The following TSHZ3 variants were observed in gnomAD, a reference collection of about 807,000 sequenced individuals.
The protein encoded by TSHZ3 is teashirt homolog 3.
In TSHZ3, 10 loss-of-function variants were observed where a neutral mutation model predicts 64.5. That is an observed-to-expected ratio of 0.16 (90% CI 0.10 to 0.26). The LOEUF (loss-of-function observed/expected upper bound fraction) is 0.26, where lower values mean the gene tolerates loss of function less well. Ranked by LOEUF, TSHZ3 falls within the 10% of genes least tolerant of loss-of-function variation. The pLI, the probability that TSHZ3 is intolerant of heterozygous loss-of-function variation, is 1.00. For missense variants in TSHZ3, 1,242 were observed against 1,421.7 expected (o/e 0.87, Z 2.03); for synonymous variants, 608 against 593.1 (o/e 1.03, Z -0.36).
intron 1 of TSHZ3, among the ~76,000 whole-genome samples, chr19:31,302,113 A>G (rs929109440): frequency 1.3e-5 from 2 of 152,136 alleles, no homozygotes; most frequent in South Asian, 2.1e-4. Flanking sequence ...CACCACCTTA[A>G]TGTGGCAAAA....
intron 1 of TSHZ3, among the ~76,000 whole-genome samples, chr19:31,317,983 T>G (rs1916653092): frequency 6.6e-6 from 1 of 152,102 alleles, no homozygotes; most frequent in African/African-American, 2.4e-5. Flanking sequence ...ATTCAAAGAT[T>G]CAAAACAATC....
chr19:31,349,381 C>G lies in TSHZ3; in HGVS notation c.-162G>C, dbSNP rs2021629211. On this transcript the variant is annotated 5_prime_UTR_variant, in exon 1 of 2. Transcript: ENST00000240587. ...AGGATGCTGCTGCGCCCAGGCTCTC[C>G]GCGTCCCCCCCGCGCCGCGCTCCGC... 1.9e-6 allele frequency: 1 copy of G among 518,930 alleles called. No homozygotes were observed. Among genetic ancestry groups the G allele is most frequent in the East Asian group, 3.8e-5 (1 of 26,334 alleles). 32.1% of individuals were successfully genotyped at this position (518,930 alleles called of 1,614,324 possible).
intron 1 of TSHZ3, among the ~76,000 whole-genome samples, chr19:31,348,396 C>G (rs1256691161): frequency 6.7e-6 from 1 of 148,674 alleles, no homozygotes. Flanking sequence ...TTCAATGATG[C>G]GTTTTCCAGA....
chr19:31,306,513 ACACGTGCACGTGCGTGGGTGCGCATGTG>A (rs1916300722), intron 1 of TSHZ3, among the ~76,000 whole-genome samples: 4 of 152,188 alleles, frequency 2.6e-5, no homozygotes, highest in Admixed American at 2.6e-4. Context: ...TTGAGAGGGC[ACACGTGCACGTGCGTGGGTGCGCATGTG>A]CACTCATGCA....
At chr19:31,176,208 G>T (rs923838413) in intron 5 of TSHZ3, among the ~76,000 whole-genome samples, 1 of 152,162 alleles carries the variant, frequency 6.6e-6, no homozygotes, top group Non-Finnish European at 1.5e-5. Context: ...AGAGAGGCTT[G>T]GCTGGACCCA....
At chr19:31,273,257 T>G (rs1976170797), downstream of TSHZ3, among the ~76,000 whole-genome samples, 1 of 152,148 alleles carries the variant, frequency 6.6e-6, no homozygotes, top group Non-Finnish European at 1.5e-5. Context: ...TACTGCCCAA[T>G]TCTGATGTTT....
chr19:31,286,742 C>A (rs147246709), intron 1 of TSHZ3, among the ~76,000 whole-genome samples: 1,844 of 152,116 alleles, frequency 0.012, 98 homozygotes, highest in Admixed American at 0.092. Flanking sequence ...CCACGCAGAA[C>A]CTTCTCAATT....
At chr19:31,348,671 C>T (rs907578898) in intron 1 of TSHZ3, among the ~76,000 whole-genome samples, 1 of 152,172 alleles carries the variant, frequency 6.6e-6, no homozygotes, top group African/African-American at 2.4e-5. Flanking sequence ...CGGGTTCCAC[C>T]GCTGTGCCCA....
At chr19:31,303,700 AC>A (rs1976794171) in intron 1 of TSHZ3, among the ~76,000 whole-genome samples, 1 of 151,386 alleles carries the variant, frequency 6.6e-6, no homozygotes, top group South Asian at 2.1e-4. Flanking sequence ...GATTTCTAAA[AC>A]CCCAAAGCCC....
At position 31,278,206 on chromosome 19, in the gene TSHZ3, T is replaced by C. The variant is rs144915859; in HGVS notation, c.1587A>G (p.Thr529=). The part of the protein sequence containing the change: ...GLDILKSLEN[T]VTSAINKAQN... Reference sequence around the variant, plus strand: ...GGGCCTTGTTGATTGCGGATGTCACTGTGTTTTCCAAGGATTTGAGGATAT... The same window carrying C: ...GGGCCTTGTTGATTGCGGATGTCACCGTGTTTTCCAAGGATTTGAGGATAT... Residue 529 remains threonine (T), a synonymous_variant, in exon 2 of 2, where the codon ACA becomes ACG. Coordinates refer to ENST00000240587, the MANE Select transcript of TSHZ3 (RefSeq NM_020856.4). The surrounding 1 kb of genome is among the most constrained non-coding windows in gnomAD (Gnocchi z 4.7). 670 of 1,614,166 alleles carry C rather than the reference T, an allele frequency of 4.2e-4. No homozygotes were observed. The highest frequency in any genetic ancestry group is 2.1e-3 in the South Asian group (189 of 91,084).
In TSHZ3 at chr19:31,277,408, C is replaced by G. The variant is rs1976259899; in HGVS notation, c.2385G>C (p.Gly795=). The change falls in exon 2 of 2, where the codon GGG becomes GGC. Residue 795 remains glycine, a synonymous_variant. Coordinates refer to ENST00000240587, the MANE Select transcript of TSHZ3 (RefSeq NM_020856.4). This position sits in a 1 kb window ranked among gnomAD's most constrained non-coding sequence, Gnocchi z 4.5. ...CCAAGGAGCAGCCTTTGTCACTCTT[C>G]CCTTTTGTCAAGTCTATGGGCTGGT... ...NNDQPIDLTK[G]KSDKGCSLGS... 1 of 1,614,100 alleles carries G rather than the reference C, an allele frequency of 6.2e-7. No individual in the cohort carries two copies. Among genetic ancestry groups the G allele is most frequent in the South Asian group, 1.1e-5 (1 of 91,074 alleles).
chr19:31,323,803 A>G (rs946030740), intron 1 of TSHZ3, among the ~76,000 whole-genome samples: 1 of 151,134 alleles, frequency 6.6e-6, no homozygotes, highest in African/African-American at 2.4e-5. Context: ...CCTCAGAAAG[A>G]TGTTTTCTCC....
At chr19:31,258,452 G>A (rs989585466) in intron 1 of TSHZ3, among the ~76,000 whole-genome samples, 10 of 152,152 alleles carry the variant, frequency 6.6e-5, no homozygotes, top group African/African-American at 2.4e-4. Flanking sequence ...CCGGGAAATC[G>A]CCCTTCTGTT....
intron 1 of TSHZ3, among the ~76,000 whole-genome samples, chr19:31,257,133 A>T (rs1042913142): frequency 1.3e-5 from 2 of 152,230 alleles, no homozygotes; most frequent in African/African-American, 4.8e-5. Context: ...AGAGCCAGAG[A>T]TGGCTGCACA....
At chr19:31,272,254 T>C (rs960744535), downstream of TSHZ3, among the ~76,000 whole-genome samples, 10 of 152,088 alleles carry the variant, frequency 6.6e-5, no homozygotes, top group Non-Finnish European at 1.5e-5. Flanking sequence ...TTTTCCTCTA[T>C]AAGTATTTTG....
intron 3 of TSHZ3, among the ~76,000 whole-genome samples, chr19:31,232,973 G>A (rs746161906): frequency 6.6e-6 from 1 of 152,132 alleles, no homozygotes; most frequent in Admixed American, 6.6e-5. Flanking sequence ...CCAGTTGGTG[G>A]ACATTTGAGT....
chr19:31,265,599 T>C (rs1189819455), intron 1 of TSHZ3, among the ~76,000 whole-genome samples: 1 of 152,024 alleles, frequency 6.6e-6, no homozygotes, highest in East Asian at 1.9e-4. Flanking sequence ...GGCCAGACAT[T>C]ATTCGAGATG....
At chr19:31,269,943 A>T (rs190540386) in intron 1 of TSHZ3, among the ~76,000 whole-genome samples, 3 of 152,308 alleles carry the variant, frequency 2.0e-5, no homozygotes, top group African/African-American at 7.2e-5. Flanking sequence ...CACGGAGCCA[A>T]GTCTGTCTCC....
intron 4 of TSHZ3, among the ~76,000 whole-genome samples, chr19:31,215,071 T>C (rs1396963075): frequency 1.3e-5 from 2 of 152,194 alleles, no homozygotes; most frequent in East Asian, 1.9e-4. Context: ...ATTCGGTTGG[T>C]TGGCTATACA....
Sources: gnomAD v4.1 joint callset for allele counts (sites outside exome capture counted in the v4.1 genomes callset) on GRCh38, gnomAD v4.1.1 for gene constraint, Gnocchi (gnomAD v3.1) non-coding constraint, MANE v1.5 for transcripts, NCBI Gene and HGNC (gene_info 2026-07-23, HGNC 2026-07-21) for gene names.